Variants in LYZL4 observed in about 807,000 individuals in gnomAD.
LYZL4 encodes the protein lysozyme like 4, also known as lysozyme-like protein 4.
Under a neutral mutation model 17.6 loss-of-function variants are expected in LYZL4, and 13 were observed. The ratio of observed to expected loss-of-function variants is 0.74; its 90% CI spans 0.48 to 1.18. LYZL4 has a LOEUF of 1.18. LYZL4 is among the 50% of genes most tolerant of loss of function. LYZL4 has a pLI of 0.00. For synonymous variants in LYZL4, 64 were observed against 67.7 expected (o/e 0.95, Z 0.27); for missense variants, 174 against 188.2 (o/e 0.92, Z 0.44).
chr3:42,397,861 T>C (rs1373436990), intron 4 of LYZL4, among the ~76,000 whole-genome samples: 1 of 152,198 alleles, frequency 6.6e-6, no homozygotes, highest in Non-Finnish European at 1.5e-5. Context: ...ACTGAGTTTC[T>C]CTAACCTTTT....
chr3:42,393,944 A>T (rs1698520122), downstream of LYZL4, among the ~76,000 whole-genome samples: 1 of 152,088 alleles, frequency 6.6e-6, no homozygotes, highest in South Asian at 2.1e-4. Context: ...GGCATCCACC[A>T]CCATACCCAG....
chr3:42,398,959 T>C (rs1389372331), intron 4 of LYZL4, among the ~76,000 whole-genome samples: 2 of 152,104 alleles, frequency 1.3e-5, no homozygotes, highest in Non-Finnish European at 2.9e-5. Context: ...AAAGGTCTAA[T>C]AAGCCTAATT....
the LYZL4 span, among the ~76,000 whole-genome samples, chr3:42,378,129 A>G: frequency 1.3e-5 from 2 of 152,150 alleles, no homozygotes; most frequent in Non-Finnish European, 2.9e-5. Flanking sequence ...GCCAACAGCC[A>G]CTTTGGTGGT....
chr3:42,384,044 G>A, the LYZL4 span, among the ~76,000 whole-genome samples: 11 of 152,254 alleles, frequency 7.2e-5, no homozygotes, highest in East Asian at 1.9e-3. Flanking sequence ...CCCACATTGA[G>A]GCATGTCACT....
chr3:42,375,670 A>G, the LYZL4 span, among the ~76,000 whole-genome samples: 1,446 of 152,272 alleles, frequency 9.5e-3, 23 homozygotes, highest in African/African-American at 0.033. Flanking sequence ...GCATAAGGAG[A>G]ACACATTCAT....
intron 4 of LYZL4, among the ~76,000 whole-genome samples, chr3:42,397,592 G>A (rs1045187281): frequency 6.6e-6 from 1 of 152,300 alleles, no homozygotes. Flanking sequence ...CCCACATGGT[G>A]AGATGAGGAG....
chr3:42,374,850 T>C, the LYZL4 span, among the ~76,000 whole-genome samples: 3 of 152,182 alleles, frequency 2.0e-5, no homozygotes, highest in Non-Finnish European at 4.4e-5. Context: ...TGAGACAGGG[T>C]CTCACTCTGT....
At chr3:42,376,829 T>C in the LYZL4 span, among the ~76,000 whole-genome samples, 1 of 152,226 alleles carries the variant, frequency 6.6e-6, no homozygotes, top group East Asian at 1.9e-4. Flanking sequence ...GCAAATTTTG[T>C]TCTTGATCAG....
Position 42,397,120 on chromosome 3 carries a change from C to A in LYZL4, c.*145G>T. The A allele has an allele frequency of 3.3e-6, 2 of 614,162 alleles. No individual in the cohort carries two copies. The highest frequency in any genetic ancestry group is 5.8e-6 in the Non-Finnish European group (2 of 343,684). The allele number at this position is 614,162 out of a possible 1,614,324, so 38.0% of individuals were successfully genotyped here. A position where few individuals can be genotyped will look rare whatever the true frequency, so the allele number is the denominator to read the frequency against. On this transcript the variant is annotated 3_prime_UTR_variant, in exon 5 of 5. Coordinates refer to ENST00000287748, the MANE Select transcript of LYZL4 (RefSeq NM_144634.4). ...TTTGGTTTATTCTGCATCCTGCATC[C>A]CCGGATGAAGCAAACTTTTGTCTTT...
At chr3:42,406,755 A>G in intron 3 of LYZL4, 91 bp downstream of exon 3, 2 of 1,526,750 alleles carry the variant, frequency 1.3e-6, no homozygotes, top group Non-Finnish European at 1.8e-6. Flanking sequence ...TCTTTGTAAA[A>G]CTTTGTAAAC....
the LYZL4 span, among the ~76,000 whole-genome samples, chr3:42,383,586 T>A: frequency 6.6e-6 from 1 of 151,794 alleles, no homozygotes. Flanking sequence ...GAGAAGACTG[T>A]AAATAAAATA....
At chr3:42,395,609 G>A (rs1034141225), downstream of LYZL4, among the ~76,000 whole-genome samples, 2 of 152,152 alleles carry the variant, frequency 1.3e-5, no homozygotes. Context: ...TTTCCAGTGA[G>A]GGGATATTCT....
At chr3:42,389,287 A>G in the LYZL4 span, among the ~76,000 whole-genome samples, 1 of 152,208 alleles carries the variant, frequency 6.6e-6, no homozygotes, top group Non-Finnish European at 1.5e-5. Flanking sequence ...CTAGATTCAC[A>G]GGCCAGAATT....
chr3:42,408,711 C>G (rs1197113012), intron 1 of LYZL4, among the ~76,000 whole-genome samples: 3 of 152,168 alleles, frequency 2.0e-5, no homozygotes, highest in Non-Finnish European at 4.4e-5. Context: ...ATTCATTGCA[C>G]CCTCCTGTTT....
chr3:42,373,911 T>C, the LYZL4 span, among the ~76,000 whole-genome samples: 2 of 152,074 alleles, frequency 1.3e-5, no homozygotes, highest in Admixed American at 1.3e-4. Flanking sequence ...CTAATATGTA[T>C]ATATATATGG....
intron 4 of LYZL4, among the ~76,000 whole-genome samples, chr3:42,401,732 C>T (rs982504691): frequency 1.3e-5 from 2 of 151,910 alleles, no homozygotes; most frequent in Non-Finnish European, 2.9e-5. Flanking sequence ...AAATTCAACA[C>T]CCATTCATGA....
chr3:42,399,723 T>C (rs1228764055), intron 4 of LYZL4, among the ~76,000 whole-genome samples: 2 of 152,136 alleles, frequency 1.3e-5, no homozygotes, highest in African/African-American at 4.8e-5. Context: ...TTTTTAAAGA[T>C]AATAAATGGT....
intron 1 of LYZL4, among the ~76,000 whole-genome samples, chr3:42,408,922 C>T (rs148295464): frequency 1.3e-5 from 2 of 152,262 alleles, no homozygotes; most frequent in Non-Finnish European, 2.9e-5. Context: ...GACAAAATTG[C>T]CCCCTGTTGA....
chr3:42,404,066 T>C lies in LYZL4; in HGVS notation c.351A>G (p.Gly117=). 1.2e-6 allele frequency: 2 copies of C among 1,611,946 alleles called. No homozygotes were observed. The highest frequency in any genetic ancestry group is 8.5e-7 in the Non-Finnish European group (1 of 1,178,118). Residue 117 remains glycine, a synonymous_variant, in exon 4 of 5, where the codon GGA becomes GGG. Coordinates refer to ENST00000287748, the MANE Select transcript of LYZL4 (RefSeq NM_144634.4). ...CTTACCATGCTCCCATCCCTTCTTT[T>C]CCTTTTACAATGGTCTTGGCACATT... The part of the protein sequence containing the change: ...TIKCAKTIVK[G]KEGMGAWPTW...
Sources: allele counts gnomAD v4.1 joint callset (sites outside exome capture counted in the v4.1 genomes callset), GRCh38; gene constraint gnomAD v4.1.1; transcripts MANE v1.5; gene names NCBI Gene and HGNC (gene_info 2026-07-23, HGNC 2026-07-21).